Variants in NOX1 observed in about 807,000 individuals in gnomAD.
The protein encoded by NOX1 is NADPH oxidase 1.
NOX1 carries 34 observed loss-of-function variants against 42.5 expected under a neutral mutation model. That is an observed-to-expected ratio of 0.80 (90% CI 0.61 to 1.07). The LOEUF is 1.07. Among genes scored for constraint, NOX1 ranks in the 50% least tolerant of loss-of-function variants. NOX1 has a pLI of 0.00. For missense variants in NOX1, 408 were observed against 427.0 expected, an observed-to-expected ratio of 0.96 and a Z score of 0.39; for synonymous variants, 143 against 152.5, an observed-to-expected ratio of 0.94 and a Z score of 0.46.
intron 2 of NOX1, among the ~76,000 whole-genome samples, chrX:100,866,572 T>G (rs1486466635): frequency 9.1e-6 from 1 of 109,698 alleles, no homozygotes; most frequent in African/African-American, 3.3e-5. Flanking sequence ...ACTTATACAC[T>G]TCTATTCGCT....
chrX:100,873,229 A>G (rs1206849632), intron 1 of NOX1, among the ~76,000 whole-genome samples: 2 of 110,890 alleles, frequency 1.8e-5, no homozygotes, highest in Non-Finnish European at 3.8e-5. Flanking sequence ...GAGTGGAGAG[A>G]GGTGTTAGAG....
chrX:100,859,077 A>T (rs1299825153), intron 7 of NOX1, among the ~76,000 whole-genome samples: 3 of 111,518 alleles, frequency 2.7e-5, no homozygotes, highest in Non-Finnish European at 5.6e-5. Flanking sequence ...TTTGTCATAG[A>T]TGGCTCTTGT....
At chrX:100,870,111 G>T (rs2085264495) in intron 2 of NOX1, among the ~76,000 whole-genome samples, 2 of 105,034 alleles carry the variant, frequency 1.9e-5, no homozygotes, top group African/African-American at 3.5e-5. Context: ...AAGGATATTG[G>T]TCTAAAATTC....
At chrX:100,869,336 T>C (rs1338222881) in intron 2 of NOX1, among the ~76,000 whole-genome samples, 10 of 110,068 alleles carry the variant, frequency 9.1e-5, no homozygotes, top group Non-Finnish European at 1.9e-4. Context: ...TTTTATTTCC[T>C]TGAGCAGCGG....
intron 4 of NOX1, 62 bp downstream of exon 4, chrX:100,863,097 G>T: frequency 1.2e-6 from 1 of 850,401 alleles, no homozygotes; most frequent in Non-Finnish European, 1.8e-6. Flanking sequence ...CATATGGATG[G>T]ATGAATGAAG....
rs764151730 is a variant in NOX1 at position 100,870,825 on chromosome X, A to T, written c.46-11T>A. 9.7e-7 allele frequency: 1 copy of T among 1,035,870 alleles called. No homozygotes were observed. The highest frequency in any genetic ancestry group is 2.0e-5 in the South Asian group (1 of 49,318). The allele number at this position is 1,035,870 out of a possible 1,213,427, so 85.4% of individuals were successfully genotyped here. ...CCCTAACCAAACAACCTAGAGAAAGAAAAAAAAACATGCAAAGAATAAAGT... is the reference window on the plus strand; with the variant it reads ...CCCTAACCAAACAACCTAGAGAAAGTAAAAAAAACATGCAAAGAATAAAGT... On this transcript the variant is annotated splice_polypyrimidine_tract_variant and intron_variant, in intron 1 of 12. Transcript: ENST00000372966.
intron 7 of NOX1, among the ~76,000 whole-genome samples, chrX:100,860,688 A>C (rs2085197458): frequency 8.9e-6 from 1 of 111,777 alleles, no homozygotes; most frequent in Non-Finnish European, 1.9e-5. Context: ...AAATTAGTCC[A>C]TGCCCTGTGA....
In NOX1 at chrX:100,845,489, C is replaced by T. The variant is rs1414236142; in HGVS notation, c.1569-1411G>A. Among the ~76,000 whole-genome samples the T allele has an allele frequency of 3.7e-5, 4 of 109,529 alleles. No homozygotes were observed. In the East Asian group the frequency reaches 1.1e-3, roughly 31 times the overall value. ...ATGGATGCTTGGCTTGTTTTCACTT[C>T]GGGGCTATTATGAGTAATGCTGCTA... On this transcript the variant is annotated intron_variant, in intron 12 of 12. Transcript: ENST00000372966.
intron 12 of NOX1, among the ~76,000 whole-genome samples, chrX:100,846,716 T>C (rs774209673): frequency 4.4e-5 from 5 of 112,702 alleles, no homozygotes; most frequent in African/African-American, 1.6e-4. Flanking sequence ...GCATCTTTTA[T>C]GCTTATATGC....
At chrX:100,873,300 T>C (rs1210648232) in intron 1 of NOX1, among the ~76,000 whole-genome samples, 5 of 111,409 alleles carry the variant, frequency 4.5e-5, no homozygotes, top group Admixed American at 2.9e-4. Context: ...CTGAACGTCA[T>C]TGGGGAGCTG....
chrX:100,853,304 TTCTTTCTTTCTTTCTTTCTC>T (rs2085136244), intron 7 of NOX1, among the ~76,000 whole-genome samples: 1 of 78,367 alleles, frequency 1.3e-5, no homozygotes. Flanking sequence ...CTTTCTTTCT[TTCTTTCTTTCTTTCTTTCTC>T]TCTCTTTCTC....
intron 2 of NOX1, among the ~76,000 whole-genome samples, chrX:100,864,686 G>C (rs925517904): frequency 8.9e-6 from 1 of 111,867 alleles, no homozygotes; most frequent in African/African-American, 3.2e-5. Context: ...CAAAAAACAG[G>C]CCTTACTAGG....
At chrX:100,860,233 G>A (rs746684285) in intron 7 of NOX1, among the ~76,000 whole-genome samples, 172 of 111,693 alleles carry the variant, frequency 1.5e-3, no homozygotes, top group African/African-American at 5.3e-3. Context: ...CCCCACTGAT[G>A]GACACTTGTT....
At chrX:100,870,144 C>T (rs1265887171) in intron 2 of NOX1, among the ~76,000 whole-genome samples, 4 of 107,308 alleles carry the variant, frequency 3.7e-5, no homozygotes, top group Non-Finnish European at 5.8e-5. Flanking sequence ...GTGTCTCTGC[C>T]AGGCTTTGGT....
At chrX:100,847,307 T>A (rs1183262463) in intron 12 of NOX1, among the ~76,000 whole-genome samples, 1 of 112,043 alleles carries the variant, frequency 8.9e-6, no homozygotes, top group East Asian at 2.8e-4. Flanking sequence ...CGTAGACTTT[T>A]CTTCCCTCCA....
At chrX:100,865,219 T>C (rs973098606) in intron 2 of NOX1, among the ~76,000 whole-genome samples, 1 of 112,327 alleles carries the variant, frequency 8.9e-6, no homozygotes, top group Non-Finnish European at 1.9e-5. Flanking sequence ...AAATTTCCTC[T>C]GCTCATCTCA....
At chrX:100,871,616 T>C (rs1171531547) in intron 1 of NOX1, among the ~76,000 whole-genome samples, 2 of 112,224 alleles carry the variant, frequency 1.8e-5, no homozygotes, top group East Asian at 5.6e-4. Flanking sequence ...CCAAGTTCTG[T>C]CTCTGCACTG....
At chrX:100,850,669 A>G (rs1248960236) in intron 8 of NOX1, among the ~76,000 whole-genome samples, 1 of 112,374 alleles carries the variant, frequency 8.9e-6, no homozygotes, top group Non-Finnish European at 1.9e-5. Context: ...AACCAATTCA[A>G]CTTTATAAAC....
intron 2 of NOX1, among the ~76,000 whole-genome samples, chrX:100,867,652 G>T (rs1225969620): frequency 9.0e-6 from 1 of 110,929 alleles, no homozygotes; most frequent in Non-Finnish European, 1.9e-5. Flanking sequence ...GATAGCTGAA[G>T]CCTGGGAGAG....
Sources: allele counts gnomAD v4.1 joint callset (sites outside exome capture counted in the v4.1 genomes callset), GRCh38; gene constraint gnomAD v4.1.1; transcripts MANE v1.5; gene names NCBI Gene and HGNC (gene_info 2026-07-23, HGNC 2026-07-21).